Variants in ANKUB1 observed in about 807,000 individuals in gnomAD.
ANKUB1 encodes ankyrin repeat and ubiquitin domain containing 1, also known as protein ANKUB1.
ANKUB1 carries 42 observed loss-of-function variants against 49.3 expected under a neutral mutation model. The observed-to-expected ratio is 0.85, with a 90% confidence interval of 0.67 to 1.10. ANKUB1 has a LOEUF of 1.10. ANKUB1 is among the 50% of genes least tolerant of loss of function. The pLI is 0.00. For synonymous variants in ANKUB1, 222 were observed against 231.0 expected, an observed-to-expected ratio of 0.96 and a Z score of 0.35; for missense variants, 613 against 642.0, an observed-to-expected ratio of 0.95 and a Z score of 0.49.
At chr3:149,791,679 T>C (rs952293029) in intron 1 of ANKUB1, among the ~76,000 whole-genome samples, 2 of 152,204 alleles carry the variant, frequency 1.3e-5, no homozygotes, top group African/African-American at 4.8e-5. Context: ...AAACTAAATA[T>C]TTTGCTTAAT....
chr3:149,780,995 G>C (rs1379597811), intron 2 of ANKUB1, among the ~76,000 whole-genome samples: 2 of 144,684 alleles, frequency 1.4e-5, no homozygotes, highest in Admixed American at 1.4e-4. Context: ...TTTCTTGTCT[G>C]TCTTCCTTTT....
In ANKUB1 at chr3:149,767,347, T is replaced by A. The variant is rs1227284469; in HGVS notation, c.1315A>T (p.Lys439Ter). The change falls in exon 5 of 6, where the codon AAG becomes TAG. Residue 439 changes from lysine to a stop codon, truncating the protein, a stop_gained. Transcript: ENST00000446160. LOFTEE classifies it high-confidence loss of function. ...KITATARKKE[K>*]LIKNTYLPQV... ...GGAAGATATGTGTTTTTTATGAGCT[T>A]TTCTTTTTTCCTAGCTGTGGCAGTA... 1 of 1,549,890 alleles carries A rather than the reference T, an allele frequency of 6.5e-7. No individual in the cohort carries two copies. The highest frequency in any genetic ancestry group is 1.2e-5 in the South Asian group (1 of 83,512).
intron 5 of ANKUB1, among the ~76,000 whole-genome samples, chr3:149,763,792 T>C (rs1423231000): frequency 5.3e-5 from 8 of 152,186 alleles, no homozygotes. Context: ...AGTGACTGTC[T>C]ACACCAGCCA....
chr3:149,774,337 T>G (rs1004173204), intron 3 of ANKUB1, among the ~76,000 whole-genome samples: 4 of 152,218 alleles, frequency 2.6e-5, no homozygotes, highest in South Asian at 2.1e-4. Flanking sequence ...ACAAGGTCCC[T>G]GATGGATCTC....
At chr3:149,768,205 T>C in intron 4 of ANKUB1, 110 bp from the exon 5 acceptor site, 1 of 834,556 alleles carries the variant, frequency 1.2e-6, no homozygotes, top group African/African-American at 1.7e-5. Context: ...TATTTCTTCT[T>C]AACTTTTACC....
chr3:149,790,998 T>A, intron 1 of ANKUB1, 74 bp from the exon 2 acceptor site: 2 of 1,384,590 alleles, frequency 1.4e-6, no homozygotes, highest in Non-Finnish European at 9.6e-7. Flanking sequence ...TCTCTTTCCC[T>A]TTACATTTTT....
intron 5 of ANKUB1, chr3:149,766,752 A>G: frequency 1.2e-6 from 1 of 859,934 alleles, no homozygotes; most frequent in Non-Finnish European, 1.8e-6. Flanking sequence ...GAGCTGTGAT[A>G]GCACCACTGC....
chr3:149,789,839 A>G (rs1269715463), intron 2 of ANKUB1, among the ~76,000 whole-genome samples: 2 of 152,152 alleles, frequency 1.3e-5, no homozygotes, highest in Non-Finnish European at 2.9e-5. Flanking sequence ...CATGTTGGCC[A>G]GGATGGTCTC....
rs143523443 is a variant in ANKUB1, at chr3:149,772,353, C to T, written c.452-1679G>A. On this transcript the variant is annotated intron_variant, in intron 3 of 5. Coordinates refer to ENST00000446160, the MANE Select transcript of ANKUB1 (RefSeq NM_001144960.3). The stretch of plus-strand genomic sequence containing the variant: ...CATTTTTTCATGTCCTACATCTAAA[C>T]GGTTGCTTAGGCCTGACAGGTTTAC... Among the ~76,000 whole-genome samples, 310 of 152,264 alleles carry T rather than the reference C, an allele frequency of 2.0e-3. 2 individuals are homozygous for T. The highest frequency in any genetic ancestry group is 0.012 in the East Asian group (60 of 5,168).
intron 3 of ANKUB1, 141 bp from the exon 4 acceptor site, chr3:149,770,815 G>A (rs960295870): frequency 3.3e-6 from 2 of 607,254 alleles, no homozygotes; most frequent in African/African-American, 3.8e-5. Flanking sequence ...AGGAGACAGG[G>A]ATGGTATTTT....
At position 149,781,407 on chromosome 3, in the gene ANKUB1, C is replaced by T. The variant is rs534828332; in HGVS notation, c.235-952G>A. Among the ~76,000 whole-genome samples the T allele has an allele frequency of 1.2e-3, 187 of 152,304 alleles. 1 individual carries two copies. The highest frequency in any genetic ancestry group is 4.4e-3 in the African/African-American group (183 of 41,572). On this transcript the variant is annotated intron_variant, in intron 2 of 5. Transcript: ENST00000446160. ...CTCATGAAAAATGAAACTGACTTTA[C>T]TTCCTCTTTAGCAGATTCAGGACAA...
intron 2 of ANKUB1, among the ~76,000 whole-genome samples, chr3:149,785,504 T>C (rs1466116696): frequency 2.0e-5 from 3 of 151,544 alleles, no homozygotes; most frequent in Admixed American, 2.0e-4. Flanking sequence ...AGTGAGAACA[T>C]GTGGTGTTTG....
intron 2 of ANKUB1, among the ~76,000 whole-genome samples, chr3:149,788,389 T>G (rs1434488416): frequency 1.5e-5 from 2 of 136,480 alleles, no homozygotes; most frequent in African/African-American, 6.3e-5. Context: ...TAAACTCCTC[T>G]TTTTTTTTTT....
At chr3:149,787,542 C>G (rs1718162671) in intron 2 of ANKUB1, among the ~76,000 whole-genome samples, 1 of 152,118 alleles carries the variant, frequency 6.6e-6, no homozygotes, top group Non-Finnish European at 1.5e-5. Context: ...TCCTCTTTTC[C>G]TAATTGAATA....
chr3:149,765,526 C>G (rs1041735399), intron 5 of ANKUB1, among the ~76,000 whole-genome samples: 1 of 151,380 alleles, frequency 6.6e-6, no homozygotes, highest in African/African-American at 2.4e-5. Flanking sequence ...CTTTTCTTAT[C>G]TAAAACCACA....
intron 3 of ANKUB1, chr3:149,778,732 A>T (rs1717718290): frequency 6.6e-6 from 1 of 152,246 alleles, no homozygotes; most frequent in African/African-American, 2.4e-5. Context: ...AACAAGGAAA[A>T]AAATTATGTC....
At chr3:149,763,676 T>C (rs976384813) in intron 5 of ANKUB1, among the ~76,000 whole-genome samples, 3 of 152,136 alleles carry the variant, frequency 2.0e-5, no homozygotes, top group Admixed American at 6.6e-5. Flanking sequence ...CAATGAGCAA[T>C]AAGGAAAGCT....
intron 2 of ANKUB1, among the ~76,000 whole-genome samples, chr3:149,781,581 G>A (rs926237768): frequency 6.6e-6 from 1 of 152,106 alleles, no homozygotes; most frequent in Admixed American, 6.5e-5. Flanking sequence ...ATGCTGTCTT[G>A]CCCCTCCTTT....
rs1717105781 is a variant in ANKUB1, at chr3:149,767,624, A to G, written c.1038T>C (p.Thr346=). 1 of 1,551,648 alleles carries G rather than the reference A, an allele frequency of 6.4e-7. No individual in the cohort carries two copies. Among genetic ancestry groups the G allele is most frequent in the Non-Finnish European group, 8.7e-7 (1 of 1,146,990 alleles). ...ARVFGAKVGD[T]VMVDGFTKPK... is the part of the protein sequence containing the mutation. ...GTTTGGTGAAACCATCCACCATCAC[A>G]GTGTCTCCAACTTTTGCCCCAAAGA... The change falls in exon 5 of 6, where the codon ACT becomes ACC. Residue 346 remains threonine (T), a synonymous_variant. Coordinates refer to ENST00000446160, the MANE Select transcript of ANKUB1 (RefSeq NM_001144960.3).
Sources: gnomAD v4.1 joint callset for allele counts (sites outside exome capture counted in the v4.1 genomes callset) on GRCh38, gnomAD v4.1.1 for gene constraint, MANE v1.5 for transcripts, NCBI Gene and HGNC (gene_info 2026-07-23, HGNC 2026-07-21) for gene names.